The following DPYD variants were observed in gnomAD, a reference collection of about 807,000 sequenced individuals.
DPYD encodes the protein dihydropyrimidine dehydrogenase [NADP(+)].
In DPYD, 109 loss-of-function variants were observed where a neutral mutation model predicts 116.2. The observed-to-expected ratio is 0.94, with a 90% CI of 0.80 to 1.10. DPYD has a LOEUF of 1.10. Ranked by LOEUF, DPYD falls within the 50% of genes least tolerant of loss-of-function variation. DPYD has a pLI of 0.00. For synonymous variants in DPYD, 440 were observed against 432.0 expected (o/e 1.02, Z -0.23); for missense variants, 1,302 against 1,254.5 (o/e 1.04, Z -0.57).
chr1:97,908,517 T>C (rs1673763648), intron 1 of DPYD, among the ~76,000 whole-genome samples: 1 of 152,046 alleles, frequency 6.6e-6, no homozygotes, highest in Non-Finnish European at 1.5e-5. Flanking sequence ...CTCAATTTTT[T>C]ACACCAGTCT....
chr1:97,781,615 G>A (rs536848495), intron 3 of DPYD, among the ~76,000 whole-genome samples: 63 of 152,246 alleles, frequency 4.1e-4, no homozygotes, highest in African/African-American at 1.4e-3. Flanking sequence ...ATGTATATGT[G>A]ATCCTAATGA....
At chr1:97,572,537 C>T (rs1652970962) in intron 11 of DPYD, among the ~76,000 whole-genome samples, 1 of 151,902 alleles carries the variant, frequency 6.6e-6, no homozygotes. Context: ...CAACATTTTA[C>T]TCAATTTTTG....
intron 3 of DPYD, among the ~76,000 whole-genome samples, chr1:97,749,269 G>T (rs988109254): frequency 2.0e-5 from 3 of 152,154 alleles, no homozygotes; most frequent in Admixed American, 6.5e-5. Flanking sequence ...CTTTAATGTG[G>T]AAGGAATTAG....
At chr1:97,813,740 A>G (rs1262559443) in intron 3 of DPYD, among the ~76,000 whole-genome samples, 2 of 152,188 alleles carry the variant, frequency 1.3e-5, no homozygotes, top group Non-Finnish European at 2.9e-5. Context: ...AAATTAAACT[A>G]AATTTCCTAG....
chr1:97,577,260 G>A (rs111341078), intron 10 of DPYD, among the ~76,000 whole-genome samples: 192 of 152,210 alleles, frequency 1.3e-3, no homozygotes, highest in Admixed American at 2.7e-3. Flanking sequence ...CAGTGTGGTG[G>A]ATCAAGATAT....
chr1:97,693,916 G>A (rs1422495125), intron 6 of DPYD, among the ~76,000 whole-genome samples: 2 of 152,090 alleles, frequency 1.3e-5, no homozygotes, highest in African/African-American at 4.8e-5. Flanking sequence ...ACTCTGAAAG[G>A]CATGTTATAA....
chr1:97,424,239 C>T (rs1373485940), intron 14 of DPYD, among the ~76,000 whole-genome samples: 1 of 151,970 alleles, frequency 6.6e-6, no homozygotes, highest in African/African-American at 2.4e-5. Flanking sequence ...CCCATTACAC[C>T]TATAGTAATG....
At chr1:97,848,585 C>T (rs1055009126) in intron 2 of DPYD, among the ~76,000 whole-genome samples, 9 of 151,950 alleles carry the variant, frequency 5.9e-5, no homozygotes, top group Middle Eastern at 3.2e-3. Context: ...TTCTTTTATG[C>T]GTATCTAGCA....
At chr1:97,430,744 A>G (rs1024864879) in intron 14 of DPYD, among the ~76,000 whole-genome samples, 5 of 152,214 alleles carry the variant, frequency 3.3e-5, no homozygotes, top group African/African-American at 1.2e-4. Context: ...ATATGCACAT[A>G]ATTACAAGAT....
intron 19 of DPYD, among the ~76,000 whole-genome samples, chr1:97,226,160 C>A (rs866803470): frequency 6.6e-6 from 1 of 152,080 alleles, no homozygotes; most frequent in African/African-American, 2.4e-5. Flanking sequence ...TTAATAGATG[C>A]AGAAAAATCA....
At chr1:97,739,137 G>C (rs545070627) in intron 4 of DPYD, among the ~76,000 whole-genome samples, 3 of 151,946 alleles carry the variant, frequency 2.0e-5, no homozygotes, top group African/African-American at 7.3e-5. Context: ...TTTCTGATGA[G>C]ATCTTTATTA....
chr1:97,214,215 C>T (rs1020179922), intron 19 of DPYD, among the ~76,000 whole-genome samples: 1 of 152,052 alleles, frequency 6.6e-6, no homozygotes, highest in South Asian at 2.1e-4. Flanking sequence ...TGTATTGCAT[C>T]CTGGGAGTGA....
chr1:97,818,658 G>T (rs976570755), intron 3 of DPYD, among the ~76,000 whole-genome samples: 2 of 151,958 alleles, frequency 1.3e-5, no homozygotes, highest in African/African-American at 4.8e-5. Context: ...AGTGAGATTG[G>T]AAACTGAGTG....
At chr1:97,703,072 T>C (rs2100981470) in intron 5 of DPYD, among the ~76,000 whole-genome samples, 1 of 152,166 alleles carries the variant, frequency 6.6e-6, no homozygotes, top group South Asian at 2.1e-4. Flanking sequence ...ACATACTCAT[T>C]ACATTGCTTG....
chr1:97,843,161 A>C (rs901750345), intron 2 of DPYD, among the ~76,000 whole-genome samples: 11 of 152,082 alleles, frequency 7.2e-5, no homozygotes, highest in African/African-American at 2.7e-4. Flanking sequence ...CAGAAAACCT[A>C]CTCAGGGTCT....
At chr1:97,102,396 C>CATAT (rs372249411) in intron 20 of DPYD, among the ~76,000 whole-genome samples, 4,428 of 97,216 alleles carry the variant, frequency 0.046, 240 homozygotes, top group African/African-American at 0.074. Flanking sequence ...CACTCAGTAT[C>CATAT]ATATATATAT....
chr1:97,767,782 G>A (rs1309304909), intron 3 of DPYD, among the ~76,000 whole-genome samples: 1 of 130,146 alleles, frequency 7.7e-6, no homozygotes, highest in Non-Finnish European at 1.6e-5. Context: ...TTTTGCAGCA[G>A]TTAACACATG....
intron 20 of DPYD, among the ~76,000 whole-genome samples, chr1:97,156,018 T>C (rs1655420386): frequency 1.3e-5 from 2 of 152,156 alleles, no homozygotes; most frequent in South Asian, 4.1e-4. Context: ...GATGCTGATG[T>C]TGCTGGTTTG....
intron 14 of DPYD, among the ~76,000 whole-genome samples, chr1:97,407,121 A>C (rs1673704331): frequency 6.6e-6 from 1 of 152,172 alleles, no homozygotes; most frequent in Non-Finnish European, 1.5e-5. Context: ...TTCTAAATTA[A>C]AAAGGTTAAT....
Sources: gnomAD v4.1 joint callset for allele counts (sites outside exome capture counted in the v4.1 genomes callset) on GRCh38, gnomAD v4.1.1 for gene constraint, MANE v1.5 for transcripts, NCBI Gene and HGNC (gene_info 2026-07-23, HGNC 2026-07-21) for gene names.